GGPS1: variants seen among roughly 807,000 people sequenced by gnomAD.
The protein encoded by GGPS1 is geranylgeranyl pyrophosphate synthase.
A neutral mutation model predicts 28.1 loss-of-function variants in GGPS1; 15 were observed. The ratio of observed to expected loss-of-function variants is 0.53; its 90% CI spans 0.36 to 0.82. The LOEUF (loss-of-function observed/expected upper bound fraction) is 0.82, where lower values mean the gene tolerates loss of function less well. Among genes scored for constraint, GGPS1 ranks in the 40% least tolerant of loss-of-function variants. The pLI is 0.01. For synonymous variants in GGPS1, 138 were observed against 122.4 expected (o/e 1.13, Z -0.84); for missense variants, 284 against 348.3 (o/e 0.82, Z 1.47).
intron 1 of GGPS1, chr1:235,329,748 A>G (rs956091290): frequency 2.6e-5 from 4 of 152,228 alleles, no homozygotes; most frequent in African/African-American, 7.2e-5. Flanking sequence ...AGGAATCTCA[A>G]TCAAAAGGGA....
In GGPS1 at chr1:235,342,572, C is replaced by T. The variant is rs1413398840; in HGVS notation, c.703C>T (p.Arg235Cys). 3 of 1,609,930 alleles carry T rather than the reference C, an allele frequency of 1.9e-6. No individual in the cohort carries two copies. The highest frequency in any genetic ancestry group is 1.7e-5 in the Admixed American group (1 of 60,000). ...AAGCACCCAGGTGCAGAATATCTTG[C>T]GCCAGAGAACAGAAAACATAGATAT... ...PESTQVQNIL[R>C]QRTENIDIKK... Residue 235 changes from arginine (R) to cysteine (C), a missense_variant, in exon 4 of 4, where the codon CGC (arginine) becomes TGC (cysteine). By Grantham distance (180) the Arg-to-Cys change is radical. Transcript: ENST00000282841.
At chr1:235,331,999 A>G (rs1473485998) in intron 1 of GGPS1, among the ~76,000 whole-genome samples, 1 of 152,148 alleles carries the variant, frequency 6.6e-6, no homozygotes, top group African/African-American at 2.4e-5. Flanking sequence ...GCACTTCTAC[A>G]CTCGTAATTG....
chr1:235,341,851 G>T (rs1676053814), intron 3 of GGPS1, 73 bp downstream of exon 3: 1 of 1,010,654 alleles, frequency 9.9e-7, no homozygotes, highest in South Asian at 1.4e-5. Context: ...CCTAGTTCTT[G>T]ATTGAATTTA....
At chr1:235,330,829 C>T (rs779093124) in intron 1 of GGPS1, among the ~76,000 whole-genome samples, 1 of 152,164 alleles carries the variant, frequency 6.6e-6, no homozygotes, top group Non-Finnish European at 1.5e-5. Flanking sequence ...GTTTTGGAGG[C>T]TGTGAGAAAA....
chr1:235,335,181 G>C (rs1415369882), intron 1 of GGPS1, 61 bp from the exon 2 acceptor site: 1 of 731,850 alleles, frequency 1.4e-6, no homozygotes, highest in East Asian at 2.5e-5. Context: ...AAATTCCTTT[G>C]CAGTTTGACA....
chr1:235,339,655 G>T (rs1388486121), intron 2 of GGPS1, among the ~76,000 whole-genome samples: 4 of 151,850 alleles, frequency 2.6e-5, no homozygotes, highest in Non-Finnish European at 4.4e-5. Flanking sequence ...AGCTACTTGG[G>T]AGGCTGAGGC....
At chr1:235,338,738 C>T (rs1482549226) in intron 2 of GGPS1, among the ~76,000 whole-genome samples, 1 of 151,696 alleles carries the variant, frequency 6.6e-6, no homozygotes, top group Non-Finnish European at 1.5e-5. Context: ...ATAAAATTAG[C>T]CAGGCATGGT....
intron 1 of GGPS1, chr1:235,330,164 G>C (rs1675662894): frequency 6.6e-6 from 1 of 152,170 alleles, no homozygotes; most frequent in African/African-American, 2.4e-5. Flanking sequence ...ATATGCCACG[G>C]TGTGTAGAAT....
At chr1:235,333,370 C>A (rs1675775023) in intron 1 of GGPS1, among the ~76,000 whole-genome samples, 2 of 151,500 alleles carry the variant, frequency 1.3e-5, no homozygotes, top group South Asian at 2.1e-4. Flanking sequence ...AGTTTTGAGA[C>A]CAGCCTGGCC....
At chr1:235,341,073 T>TA (rs1676028929) in intron 2 of GGPS1, among the ~76,000 whole-genome samples, 1 of 152,170 alleles carries the variant, frequency 6.6e-6, no homozygotes, top group Non-Finnish European at 1.5e-5. Context: ...CTCACGCCTG[T>TA]AATCCAAACA....
intron 1 of GGPS1, chr1:235,330,303 T>C (rs1234087065): frequency 6.6e-6 from 1 of 152,006 alleles, no homozygotes; most frequent in Admixed American, 6.6e-5. Context: ...GCTAACACGG[T>C]GAAAGCCCGT....
At chr1:235,336,260 G>A (rs1024451384) in intron 2 of GGPS1, among the ~76,000 whole-genome samples, 2 of 151,936 alleles carry the variant, frequency 1.3e-5, no homozygotes, top group South Asian at 2.1e-4. Flanking sequence ...GCATGGTGGC[G>A]CATGCCTGTA....
intron 2 of GGPS1, among the ~76,000 whole-genome samples, chr1:235,339,019 G>A (rs1572272368): frequency 6.6e-6 from 1 of 151,892 alleles, no homozygotes; most frequent in Non-Finnish European, 1.5e-5. Context: ...CAAAAAATTG[G>A]CCGGGCGCGG....
At chr1:235,336,066 G>C (rs988978365) in intron 2 of GGPS1, among the ~76,000 whole-genome samples, 1 of 152,172 alleles carries the variant, frequency 6.6e-6, no homozygotes, top group Non-Finnish European at 1.5e-5. Context: ...TCACGTGTAC[G>C]TGTGTGTTTT....
intron 2 of GGPS1, among the ~76,000 whole-genome samples, chr1:235,340,900 T>C (rs1214675935): frequency 6.6e-6 from 1 of 152,068 alleles, no homozygotes. Context: ...AAGCAGAGCT[T>C]CCCCATCTCT....
chr1:235,339,202 G>A (rs945208629), intron 2 of GGPS1, among the ~76,000 whole-genome samples: 1 of 152,088 alleles, frequency 6.6e-6, no homozygotes, highest in Non-Finnish European at 1.5e-5. Flanking sequence ...AGGAGGCTGA[G>A]GCAGGAGAAT....
At chr1:235,339,879 A>G (rs560039952) in intron 2 of GGPS1, among the ~76,000 whole-genome samples, 20 of 152,228 alleles carry the variant, frequency 1.3e-4, no homozygotes, top group Non-Finnish European at 2.2e-4. Context: ...AAACTTATAG[A>G]ACATTTTTAC....
At chr1:235,330,434 G>C (rs1402113184) in intron 1 of GGPS1, 1 of 152,180 alleles carries the variant, frequency 6.6e-6, no homozygotes, top group African/African-American at 2.4e-5. Flanking sequence ...GCAGTGAGAC[G>C]AGATCACGCC....
chr1:235,328,195 C>T (rs1240749222), upstream of GGPS1: 5 of 143,294 alleles, frequency 3.5e-5, no homozygotes, highest in African/African-American at 1.3e-4. Flanking sequence ...TTCCCCCCCA[C>T]CGACTCTAGG....
Sources: allele counts gnomAD v4.1 joint callset (sites outside exome capture counted in the v4.1 genomes callset), GRCh38; gene constraint gnomAD v4.1.1; transcripts MANE v1.5; gene names NCBI Gene and HGNC (gene_info 2026-07-23, HGNC 2026-07-21).